FNDC3B: variants seen among roughly 807,000 people sequenced by gnomAD.
The protein encoded by FNDC3B is fibronectin type III domain-containing protein 3B.
A neutral mutation model predicts 151.5 loss-of-function variants in FNDC3B; 12 were observed. That is an observed-to-expected ratio of 0.08 (90% CI 0.05 to 0.13). The LOEUF is 0.13. Among genes scored for constraint, FNDC3B ranks in the 10% least tolerant of loss-of-function variants. The probability of loss-of-function intolerance (pLI) is 1.00; values close to 1 mark genes in which losing one functional copy is unlikely to be tolerated. For synonymous variants in FNDC3B, 528 were observed against 549.0 expected (o/e 0.96, Z 0.54); for missense variants, 1,214 against 1,505.3 (o/e 0.81, Z 3.20).
chr3:172,056,306 C>T (rs1716917091), intron 1 of FNDC3B, among the ~76,000 whole-genome samples: 2 of 152,106 alleles, frequency 1.3e-5, no homozygotes, highest in Admixed American at 1.3e-4. Context: ...TCTTTCATAA[C>T]ATTTTTCATG....
chr3:172,226,737 A>G, intron 3 of FNDC3B, 134 bp from the exon 4 acceptor site: 2 of 585,908 alleles, frequency 3.4e-6, no homozygotes, highest in Middle Eastern at 6.9e-4. Flanking sequence ...CTTTAAGGCA[A>G]TATATACCAA....
At position 172,147,415 on chromosome 3, in the gene FNDC3B, A is replaced by G. The variant is rs144302041; in HGVS notation, c.187+13869A>G. On this transcript the variant is annotated intron_variant, in intron 3 of 25. Coordinates refer to ENST00000415807, the MANE Select transcript of FNDC3B (RefSeq NM_022763.4). ...CCCTGTTTTCGCATGCCTTTATGAA[A>G]TGATTGGACTGGGACTTTTGCTTCC... Among the ~76,000 whole-genome samples the G allele has an allele frequency of 3.7e-4, 57 of 152,112 alleles. No individual in the cohort carries two copies. In the East Asian group the frequency reaches 9.6e-3, roughly 26 times the overall value.
chr3:172,089,971 ATCTGT>A (rs1718731452), intron 1 of FNDC3B, among the ~76,000 whole-genome samples: 1 of 152,230 alleles, frequency 6.6e-6, no homozygotes, highest in African/African-American at 2.4e-5. Flanking sequence ...TGGGTGTGAT[ATCTGT>A]CAGTTGTGAT....
intron 1 of FNDC3B, among the ~76,000 whole-genome samples, chr3:172,044,064 G>A (rs1716235636): frequency 6.6e-6 from 1 of 152,198 alleles, no homozygotes; most frequent in South Asian, 2.1e-4. Context: ...TTTACTCTCA[G>A]TGTATAGAAA....
At chr3:172,395,635 C>G (rs1212912225) in intron 25 of FNDC3B, among the ~76,000 whole-genome samples, 1 of 149,516 alleles carries the variant, frequency 6.7e-6, no homozygotes, top group Non-Finnish European at 1.5e-5. Context: ...CTCAAGAAAA[C>G]AAGTAGGCAT....
At chr3:172,049,010 G>C (rs1716501789) in intron 1 of FNDC3B, among the ~76,000 whole-genome samples, 1 of 152,112 alleles carries the variant, frequency 6.6e-6, no homozygotes, top group South Asian at 2.1e-4. Context: ...TGTTTGGGAT[G>C]ATAAAAAATT....
intron 6 of FNDC3B, among the ~76,000 whole-genome samples, chr3:172,262,894 CAAAAAAAAAAAAAAAAAAA>C (rs67891835): frequency 3.3e-5 from 2 of 60,636 alleles, no homozygotes; most frequent in African/African-American, 6.4e-5. Context: ...GAGACCGACT[CAAAAAAAAAAAAAAAAAAA>C]AAAAAAAAAG....
At chr3:172,073,631 G>GT (rs1394611970) in intron 1 of FNDC3B, among the ~76,000 whole-genome samples, 1 of 152,188 alleles carries the variant, frequency 6.6e-6, no homozygotes, top group East Asian at 1.9e-4. Context: ...CCCGTTTGCT[G>GT]TATCTGCCTC....
Position 172,372,551 on chromosome 3 carries a change from G to T in FNDC3B, c.3009-5719G>T, listed in dbSNP as rs536297507. Reference sequence around the variant, plus strand: ...AGTGAGCATTTTATTTGTATTCCTTGGCCACCAAATTAGATGAGTGATTTA... The same window carrying T: ...AGTGAGCATTTTATTTGTATTCCTTTGCCACCAAATTAGATGAGTGATTTA... On this transcript the variant is annotated intron_variant, in intron 23 of 25. Coordinates refer to ENST00000415807, the MANE Select transcript of FNDC3B (RefSeq NM_022763.4). 2.0e-5 allele frequency among the ~76,000 whole-genome samples: 3 copies of T among 152,184 alleles called. No homozygotes were observed. The South Asian group carries it at 6.2e-4, about 32-fold the overall frequency.
At chr3:172,100,384 G>A (rs757061506) in intron 1 of FNDC3B, among the ~76,000 whole-genome samples, 1 of 152,116 alleles carries the variant, frequency 6.6e-6, no homozygotes, top group Non-Finnish European at 1.5e-5. Flanking sequence ...ACCTATTTGC[G>A]TATAAGCCAT....
At position 172,177,626 on chromosome 3, in the gene FNDC3B, C is replaced by CTTTTTTTTTTTTTTTTTTTTT. The variant is rs10684671; in HGVS notation, c.187+44081_187+44101dup. Among the ~76,000 whole-genome samples, 143 of 84,836 alleles carry CTTTTTTTTTTTTTTTTTTTTT rather than the reference C, an allele frequency of 1.7e-3. 14 individuals carry two copies. The highest frequency in any genetic ancestry group is 4.3e-3 in the African/African-American group (88 of 20,522). 55.7% of individuals were successfully genotyped at this position (84,836 alleles called of 152,430 possible). ...AGGAAGGAATCATTTTTACCACCATCTTTTTTTTTTTTTTTTTTTTTGCAC... is the reference window on the plus strand; with the variant it reads ...AGGAAGGAATCATTTTTACCACCATCTTTTTTTTTTTTTTTTTTTTTTTTTTTTTTTTTTTTTTTTTTGCAC... On this transcript the variant is annotated intron_variant, in intron 3 of 25. Transcript: ENST00000415807.
chr3:172,352,992 G>T lies in FNDC3B; in HGVS notation c.2704G>T (p.Ala902Ser), dbSNP rs926914089. ...GTGCAATAACGGATCTGAAATCCTT[G>T]CTTACACCATTGATCTAGGAGACAC... ...EPCNNGSEIL[A>S]YTIDLGDTSI... is the part of the protein sequence containing the mutation. Residue 902 changes from alanine (A) to serine (S), a missense_variant, in exon 22 of 26, where the codon GCT (alanine) becomes TCT (serine). Around this residue, in one of 7 missense-constraint regions of FNDC3B, gnomAD observed 284 missense variants for 392.4 expected, o/e 0.72. Transcript: ENST00000415807. This position sits in a 1 kb window ranked among gnomAD's most constrained non-coding sequence, Gnocchi z 4.2. 1.2e-6 allele frequency: 2 copies of T among 1,614,154 alleles called. No homozygotes were observed. Among genetic ancestry groups the T allele is most frequent in the Non-Finnish European group, 1.7e-6 (2 of 1,180,030 alleles).
intron 15 of FNDC3B, among the ~76,000 whole-genome samples, chr3:172,337,076 A>C (rs187414059): frequency 1.3e-3 from 202 of 152,322 alleles, no homozygotes; most frequent in Middle Eastern, 3.4e-3. Context: ...TTTTTTGTTC[A>C]TATTTCACTA....
intron 1 of FNDC3B, among the ~76,000 whole-genome samples, chr3:172,102,866 G>C (rs1719441756): frequency 6.6e-6 from 1 of 152,172 alleles, no homozygotes; most frequent in Non-Finnish European, 1.5e-5. Context: ...TTCTCTCACT[G>C]TCTTACAGAA....
chr3:172,271,654 G>A (rs934535498), intron 6 of FNDC3B, among the ~76,000 whole-genome samples: 3 of 152,118 alleles, frequency 2.0e-5, no homozygotes, highest in Non-Finnish European at 1.5e-5. Flanking sequence ...CTGCCAGCTG[G>A]GGCTGCCTTA....
At chr3:172,239,951 C>T (rs959010077) in intron 4 of FNDC3B, among the ~76,000 whole-genome samples, 6 of 139,466 alleles carry the variant, frequency 4.3e-5, no homozygotes, top group African/African-American at 1.6e-4. Context: ...TCACTGCAAG[C>T]TCCGCCTCCT....
At position 172,048,345 on chromosome 3, in the gene FNDC3B, A is replaced by G. The variant is rs760079551; in HGVS notation, c.-29+8574A>G. 3.3e-5 allele frequency among the ~76,000 whole-genome samples: 5 copies of G among 152,346 alleles called. No individual in the cohort carries two copies. The South Asian group carries it at 8.3e-4, about 25-fold the overall frequency. ...TAAGTCATTCAATGGGAAAGAAAATAATAAAAGTCTTTAGATGCTGTTTCT... is the reference window on the plus strand; with the variant it reads ...TAAGTCATTCAATGGGAAAGAAAATGATAAAAGTCTTTAGATGCTGTTTCT... On this transcript the variant is annotated intron_variant, in intron 1 of 25. Transcript: ENST00000415807.
At chr3:172,380,076 C>T (rs75212489) in intron 24 of FNDC3B, among the ~76,000 whole-genome samples, 2,066 of 53,328 alleles carry the variant, frequency 0.039, 24 homozygotes, top group Non-Finnish European at 0.087. Flanking sequence ...TCTTCTTCTT[C>T]TTTTTTTTTA....
chr3:172,118,201 C>T (rs1720358635), intron 2 of FNDC3B, among the ~76,000 whole-genome samples: 1 of 152,242 alleles, frequency 6.6e-6, no homozygotes, highest in South Asian at 2.1e-4. Flanking sequence ...AGATGGTGCT[C>T]ATCATCAGCA....
Sources: allele counts gnomAD v4.1 joint callset (sites outside exome capture counted in the v4.1 genomes callset), GRCh38; gene constraint gnomAD v4.1.1; regional missense constraint gnomAD v4.1.1; non-coding constraint Gnocchi (gnomAD v3.1); transcripts MANE v1.5; gene names NCBI Gene and HGNC (gene_info 2026-07-23, HGNC 2026-07-21).